The following CCDC159 variants were observed in gnomAD, a reference collection of about 807,000 sequenced individuals.
CCDC159 encodes coiled-coil domain containing 159.
A neutral mutation model predicts 50.9 loss-of-function variants in CCDC159; 40 were observed. That is an observed-to-expected ratio of 0.79 (90% CI 0.61 to 1.02). The LOEUF is 1.02. CCDC159 is among the 50% of genes least tolerant of loss of function. The pLI is 0.00. For synonymous variants in CCDC159, 146 were observed against 138.9 expected (o/e 1.05, Z -0.36); for missense variants, 356 against 371.5 (o/e 0.96, Z 0.34).
chr19:11,352,014 TC>T (rs1219798131), intron 6 of CCDC159, 41 bp downstream of exon 6: 1 of 1,611,818 alleles, frequency 6.2e-7, no homozygotes, highest in Non-Finnish European at 8.5e-7. Context: ...GGGGAGGGGG[TC>T]CTTCTTCAGC....
Position 11,350,881 on chromosome 19 carries a change from G to A in CCDC159, c.300G>A (p.Glu100=). 1 of 1,552,218 alleles carries A rather than the reference G, an allele frequency of 6.4e-7. No homozygotes were observed. The highest frequency in any genetic ancestry group is 2.0e-5 in the Admixed American group (1 of 51,080). ...GGGGCATGGAGCAGGGCCGGCAGGA[G>A]CTGTATGGGGCCCTGACCCAAGGCC... ...HKWGMEQGRQ[E]LYGALTQGLQ... The change falls in exon 5 of 11, where the codon GAG becomes GAA. Residue 100 remains glutamate, a synonymous_variant. Coordinates refer to ENST00000458408, the MANE Select transcript of CCDC159 (RefSeq NM_001080503.3).
At chr19:11,352,166 G>A in intron 7 of CCDC159, 33 bp downstream of exon 7, 1 of 1,604,888 alleles carries the variant, frequency 6.2e-7, no homozygotes, top group Non-Finnish European at 8.5e-7. Flanking sequence ...CTGGGGAGGA[G>A]TGGGAGAGGG....
chr19:11,349,223 A>G (rs1967437720), intron 1 of CCDC159: 2 of 1,274,462 alleles, frequency 1.6e-6, no homozygotes, highest in Non-Finnish European at 2.1e-6. Flanking sequence ...AACCCCTTCA[A>G]TGCAGAAAAC....
rs768283234 is a variant in CCDC159 at position 11,350,874 on chromosome 19, G to C, written c.293G>C (p.Arg98Pro). Reference sequence around the variant, plus strand: ...CACAAGTGGGGCATGGAGCAGGGCCGGCAGGAGCTGTATGGGGCCCTGACC... The same window carrying C: ...CACAAGTGGGGCATGGAGCAGGGCCCGCAGGAGCTGTATGGGGCCCTGACC... ...EEHKWGMEQG[R>P]QELYGALTQG... Residue 98 changes from arginine to proline, a missense_variant, in exon 5 of 11, where the codon CGG becomes CCG. Coordinates refer to ENST00000458408, the MANE Select transcript of CCDC159 (RefSeq NM_001080503.3). 3.0e-5 allele frequency: 46 copies of C among 1,551,734 alleles called. No individual in the cohort carries two copies. The highest frequency in any genetic ancestry group is 3.9e-5 in the Non-Finnish European group (45 of 1,147,730).
chr19:11,354,630 G>C lies in CCDC159; in HGVS notation c.823G>C (p.Asp275His). ...CCCTCCACTCCCCTCCTGGGACTCT[G>C]ACTCCGACTGTGACCAGGACCTCTC... ...LSPPLPSWDS[D>H]SDCDQDLSQP... Residue 275 changes from aspartate to histidine, a missense_variant, in exon 10 of 11, where the codon GAC becomes CAC. By Grantham distance (81) the Asp-to-His change is moderately conservative (BLOSUM62 -1). Transcript: ENST00000458408. 6.2e-7 allele frequency: 1 copy of C among 1,604,584 alleles called. No individual in the cohort carries two copies. Among genetic ancestry groups the C allele is most frequent in the Non-Finnish European group, 8.5e-7 (1 of 1,175,546 alleles).
chr19:11,348,102 G>T (rs770191267), intron 1 of CCDC159: 1 of 456,108 alleles, frequency 2.2e-6, no homozygotes, highest in Non-Finnish European at 4.4e-6. Context: ...CCAGCATAGA[G>T]CATGTGATTC....
At chr19:11,353,327 C>G (rs12975236) in intron 7 of CCDC159, 124 bp from the exon 8 acceptor site, 382,525 of 978,076 alleles carry the variant, frequency 0.39, 79,253 homozygotes, top group Non-Finnish European at 0.43. Context: ...GTCTCAATCT[C>G]CTGACCTCGT....
rs1482949652 is a variant in CCDC159 at position 11,350,971 on chromosome 19, C to T, written c.390C>T (p.Cys130=). The T allele has an allele frequency of 6.4e-7, 1 of 1,553,040 alleles. No individual in the cohort carries two copies. The highest frequency in any genetic ancestry group is 2.4e-5 in the East Asian group (1 of 41,080). ...EEMQRARTTR[C]LQLLAQEIRD... is the part of the protein sequence containing the mutation. ...TGCAGCGGGCCCGCACCACTCGCTG[C>T]CTGCAGCTGCTGGCCCAGGAGATCC... The change falls in exon 5 of 11, where the codon TGC becomes TGT. Residue 130 remains cysteine, a synonymous_variant. Transcript: ENST00000458408.
chr19:11,349,162 G>C, intron 1 of CCDC159: 1 of 1,348,410 alleles, frequency 7.4e-7, no homozygotes, highest in Non-Finnish European at 9.8e-7. Flanking sequence ...GTAATGACCA[G>C]GACATTTTGA....
Position 11,354,660 on chromosome 19 carries a change from C to G in CCDC159, c.853C>G (p.Pro285Ala). 2 of 1,607,010 alleles carry G rather than the reference C, an allele frequency of 1.2e-6. No homozygotes were observed. The highest frequency in any genetic ancestry group is 2.2e-5 in the South Asian group (2 of 90,058). The change falls in exon 10 of 11, where the codon CCA becomes GCA. Residue 285 changes from proline (P) to alanine (A), a missense_variant. Transcript: ENST00000458408. ...CGACTGTGACCAGGACCTCTCCCAG[C>G]CACCTTTCAGCAAGAGCGGCCGCTC... ...DSDCDQDLSQPPFSKSGRSFP... is the reference protein window; with the variant it reads ...DSDCDQDLSQAPFSKSGRSFP...
intron 4 of CCDC159, 106 bp downstream of exon 4, chr19:11,350,305 G>C: frequency 1.1e-6 from 1 of 871,328 alleles, no homozygotes; most frequent in East Asian, 2.8e-5. Flanking sequence ...CTTGAGGTCA[G>C]GAGTTTGAGA....
At chr19:11,347,122 C>T (rs1374150749) in intron 1 of CCDC159, among the ~76,000 whole-genome samples, 1 of 151,646 alleles carries the variant, frequency 6.6e-6, no homozygotes, top group East Asian at 1.9e-4. Context: ...CTCTGCTGTC[C>T]CTGGAAGTGA....
At position 11,349,237 on chromosome 19, in the gene CCDC159, T is replaced by G. The variant is rs1232515648; in HGVS notation, c.22-417T>G. ...AAACCCCTTCAATGCAGAAAACCAC[T>G]GCAATCTACTGCTGTGGGGCTTAGG... On this transcript the variant is annotated intron_variant, in intron 1 of 10. Transcript: ENST00000458408. The G allele has an allele frequency of 3.5e-6, 4 of 1,154,994 alleles. 1 individual carries two copies. The South Asian group carries it at 5.4e-5, about 16-fold the overall frequency. The allele number at this position is 1,154,994 out of a possible 1,614,324, so 71.5% of individuals were successfully genotyped here.
In CCDC159 at chr19:11,350,980, G is replaced by C; in HGVS notation, c.399G>C (p.Leu133=). 1 of 1,552,550 alleles carries C rather than the reference G, an allele frequency of 6.4e-7. No individual in the cohort carries two copies. Among genetic ancestry groups the C allele is most frequent in the Non-Finnish European group, 8.7e-7 (1 of 1,147,896 alleles). ...QRARTTRCLQ[L]LAQEIRDSKK... is the part of the protein sequence containing the mutation. ...CCCGCACCACTCGCTGCCTGCAGCT[G>C]CTGGCCCAGGAGATCCGGGACAGGT... The change falls in exon 5 of 11, where the codon CTG becomes CTC. Residue 133 remains leucine (L), a synonymous_variant. Coordinates refer to ENST00000458408, the MANE Select transcript of CCDC159 (RefSeq NM_001080503.3).
At position 11,346,624 on chromosome 19, in the gene CCDC159, G is replaced by A. The variant is rs1371128169; in HGVS notation, c.18G>A (p.Gln6=). Reference sequence around the variant, plus strand: ...GGTCCCTGATGGGAGAGCATGAACAGGTGGTATGTGGTAGGTGGGGTTCTG... The same window carrying A: ...GGTCCCTGATGGGAGAGCATGAACAAGTGGTATGTGGTAGGTGGGGTTCTG... MGEHE[Q]VKPLETSSSK... Residue 6 remains glutamine (Q), a synonymous_variant, in exon 1 of 11, where the codon CAG becomes CAA. Transcript: ENST00000458408. The A allele has an allele frequency of 6.4e-7, 1 of 1,551,282 alleles. No homozygotes were observed. Among genetic ancestry groups the A allele is most frequent in the East Asian group, 2.4e-5 (1 of 40,872 alleles).
intron 1 of CCDC159, among the ~76,000 whole-genome samples, chr19:11,347,352 C>T (rs935123269): frequency 1.3e-5 from 2 of 152,118 alleles, no homozygotes; most frequent in East Asian, 1.9e-4. Context: ...GTGTTTGAGA[C>T]GGAGTTTCGC....
intron 5 of CCDC159, chr19:11,351,278 A>G: frequency 2.8e-6 from 1 of 362,484 alleles, no homozygotes; most frequent in Non-Finnish European, 5.1e-6. Flanking sequence ...CTCTACTAAA[A>G]ATACAAGAAT....
rs755603210 is a variant in CCDC159 at position 11,350,020 on chromosome 19, G to A, written c.138G>A (p.Gln46=). 18 of 1,613,658 alleles carry A rather than the reference G, an allele frequency of 1.1e-5. No individual in the cohort carries two copies. Among genetic ancestry groups the A allele is most frequent in the East Asian group, 8.9e-5 (4 of 44,852 alleles). ...CACTCAAGAGCCAGTTACAGGCCCA[G>A]ACCAAGGTGAACCACCTTGGCCCTG... ...LESLKSQLQA[Q]TKAFEFLNHS... The change falls in exon 3 of 11, where the codon CAG becomes CAA. Residue 46 remains glutamine (Q), a synonymous_variant. Coordinates refer to ENST00000458408, the MANE Select transcript of CCDC159 (RefSeq NM_001080503.3).
At chr19:11,348,781 CCT>C (rs775691495) in intron 1 of CCDC159, 2 of 525,694 alleles carry the variant, frequency 3.8e-6, no homozygotes. Context: ...ACCCCGGGAC[CCT>C]GACTACTCTG....
Sources: allele counts gnomAD v4.1 joint callset (sites outside exome capture counted in the v4.1 genomes callset), GRCh38; gene constraint gnomAD v4.1.1; transcripts MANE v1.5; gene names NCBI Gene and HGNC (gene_info 2026-07-23, HGNC 2026-07-21).